Variants in SIPA1L3 observed in about 807,000 individuals in gnomAD.
SIPA1L3 encodes signal induced proliferation associated 1 like 3.
In SIPA1L3, 59 loss-of-function variants were observed where a neutral mutation model predicts 150.1. That is an observed-to-expected ratio of 0.39 (90% CI 0.32 to 0.49). The LOEUF is 0.49. Among genes scored for constraint, SIPA1L3 ranks in the 20% least tolerant of loss-of-function variants. The pLI, the probability that SIPA1L3 is intolerant of heterozygous loss-of-function variation, is 0.86. For missense variants in SIPA1L3, 2,211 were observed against 2,489.5 expected (o/e 0.89, Z 2.38); for synonymous variants, 1,070 against 1,077.6 (o/e 0.99, Z 0.14).
intron 15 of SIPA1L3, among the ~76,000 whole-genome samples, chr19:38,175,519 G>T (rs1056138745): frequency 1.1e-4 from 17 of 152,150 alleles, no homozygotes; most frequent in Admixed American, 6.5e-5. Flanking sequence ...TGTCAAGCAG[G>T]TTAATGCATA....
At chr19:38,125,233 G>A (rs982063741) in intron 9 of SIPA1L3, among the ~76,000 whole-genome samples, 3 of 152,026 alleles carry the variant, frequency 2.0e-5, no homozygotes, top group African/African-American at 7.2e-5. Context: ...ATAGGGTTTC[G>A]CCATGTTGGC....
At chr19:38,165,691 C>A (rs897613325) in intron 15 of SIPA1L3, among the ~76,000 whole-genome samples, 1 of 152,218 alleles carries the variant, frequency 6.6e-6, no homozygotes, top group African/African-American at 2.4e-5. Context: ...TTGTTCAGCC[C>A]AGCTGCTGGC....
chr19:38,026,361 A>G lies in SIPA1L3; in HGVS notation c.-378-2728A>G, dbSNP rs971558542. On this transcript the variant is annotated intron_variant, in intron 1 of 21. Transcript: ENST00000222345. ...GGGCTGGTGTTTACTGGCTCTGATC[A>G]TCCTGGCTTTGGTGGCAGGGTCACC... 1.2e-4 allele frequency among the ~76,000 whole-genome samples: 18 copies of G among 152,224 alleles called. No homozygotes were observed. The South Asian group carries it at 1.5e-3, about 12-fold the overall frequency.
At chr19:38,110,075 A>T in intron 7 of SIPA1L3, 152 bp from the exon 8 acceptor site, 1 of 690,884 alleles carries the variant, frequency 1.4e-6, no homozygotes, top group Non-Finnish European at 2.5e-6. Flanking sequence ...AACCACAGGA[A>T]GGTTTGTCAC....
At chr19:38,036,535 C>G (rs973711341) in intron 2 of SIPA1L3, among the ~76,000 whole-genome samples, 2 of 152,232 alleles carry the variant, frequency 1.3e-5, no homozygotes, top group African/African-American at 4.8e-5. Flanking sequence ...GTGCTTGGCC[C>G]ATTCCCCGCT....
intron 1 of SIPA1L3, among the ~76,000 whole-genome samples, chr19:37,944,596 C>T (rs1273472053): frequency 2.6e-5 from 4 of 152,132 alleles, no homozygotes; most frequent in Non-Finnish European, 4.4e-5. Context: ...TAGTGCCTAG[C>T]ATGTTTGTTA....
At chr19:38,097,599 C>T (rs1244861769) in intron 4 of SIPA1L3, among the ~76,000 whole-genome samples, 3 of 152,164 alleles carry the variant, frequency 2.0e-5, no homozygotes, top group African/African-American at 7.2e-5. Flanking sequence ...TCTTGTTGCC[C>T]AGGCTGGAGT....
chr19:38,057,318 A>G (rs187405521), intron 2 of SIPA1L3, among the ~76,000 whole-genome samples: 1 of 150,894 alleles, frequency 6.6e-6, no homozygotes, highest in Non-Finnish European at 1.5e-5. Flanking sequence ...ATGTGTATAC[A>G]TATATACACA....
intron 1 of SIPA1L3, among the ~76,000 whole-genome samples, chr19:37,926,841 T>C (rs376898079): frequency 1.3e-5 from 2 of 152,108 alleles, no homozygotes; most frequent in African/African-American, 2.4e-5. Context: ...AAGTAGGCAA[T>C]GTATGTAGCG....
At chr19:37,920,509 G>C (rs1282350844) in intron 1 of SIPA1L3, among the ~76,000 whole-genome samples, 1 of 152,150 alleles carries the variant, frequency 6.6e-6, no homozygotes, top group Non-Finnish European at 1.5e-5. Flanking sequence ...AAGATTGTCT[G>C]TGAGTGGAAC....
At chr19:37,982,312 C>A (rs1340156819) in intron 1 of SIPA1L3, among the ~76,000 whole-genome samples, 1 of 152,188 alleles carries the variant, frequency 6.6e-6, no homozygotes, top group Non-Finnish European at 1.5e-5. Context: ...CTCCCAGAGG[C>A]CTTCCTGGTC....
rs373447922 is a variant in SIPA1L3 at position 38,110,341 on chromosome 19, A to G, written c.2248A>G (p.Ile750Val). 3.1e-6 allele frequency: 5 copies of G among 1,613,750 alleles called. No individual in the cohort carries two copies. The highest frequency in any genetic ancestry group is 4.2e-6 in the Non-Finnish European group (5 of 1,179,980). ...IRSHFQHVFI[I>V]VRVHNPCTDN... ...CTCCCACTTCCAGCACGTCTTCATCATTGTCCGAGTCCACAACCCCTGCAC... is the reference window on the plus strand; with the variant it reads ...CTCCCACTTCCAGCACGTCTTCATCGTTGTCCGAGTCCACAACCCCTGCAC... The change falls in exon 8 of 22, where the codon ATT (isoleucine) becomes GTT (valine). Residue 750 changes from isoleucine (I) to valine (V), a missense_variant. Physicochemically the swap from Ile to Val is conservative, Grantham distance 29. This residue lies in a region of SIPA1L3 where 625 missense variants were observed against 804.2 expected (regional missense o/e 0.78). Coordinates refer to ENST00000222345, the MANE Select transcript of SIPA1L3 (RefSeq NM_015073.3).
intron 1 of SIPA1L3, among the ~76,000 whole-genome samples, chr19:37,986,674 A>G (rs1967358877): frequency 6.6e-6 from 1 of 152,120 alleles, no homozygotes; most frequent in Admixed American, 6.6e-5. Context: ...GGCTGCACGA[A>G]CCCTATTAGA....
At chr19:38,073,139 T>G (rs1969759521) in intron 2 of SIPA1L3, among the ~76,000 whole-genome samples, 2 of 152,208 alleles carry the variant, frequency 1.3e-5, no homozygotes, top group Non-Finnish European at 1.5e-5. Flanking sequence ...CTGGGAAAGA[T>G]TCTCCTTCCT....
At chr19:37,918,501 G>A (rs978981086) in intron 1 of SIPA1L3, among the ~76,000 whole-genome samples, 1 of 151,878 alleles carries the variant, frequency 6.6e-6, no homozygotes, top group Non-Finnish European at 1.5e-5. Flanking sequence ...CTTGTGATCC[G>A]CCTGCCTCGG....
chr19:37,977,164 TA>T (rs1024458995), intron 1 of SIPA1L3, among the ~76,000 whole-genome samples: 3 of 151,906 alleles, frequency 2.0e-5, no homozygotes, highest in East Asian at 1.9e-4. Context: ...TTTATTTTAT[TA>T]AAAAAAATTT....
At position 38,141,403 on chromosome 19, in the gene SIPA1L3, C is replaced by A. The variant is rs1207226086; in HGVS notation, c.3363C>A (p.Pro1121=). Reference sequence around the variant, plus strand: ...CCCTGAAGCAGACCCCCATAGTCCCCTTCCGGGAGTCCCAGCCACTGCACA... The same window carrying A: ...CCCTGAAGCAGACCCCCATAGTCCCATTCCGGGAGTCCCAGCCACTGCACA... ...SRPLKQTPIV[P]FRESQPLHSK... The change falls in exon 11 of 22, where the codon CCC becomes CCA. Residue 1121 remains proline, a synonymous_variant. Coordinates refer to ENST00000222345, the MANE Select transcript of SIPA1L3 (RefSeq NM_015073.3). 1 of 1,612,256 alleles carries A rather than the reference C, an allele frequency of 6.2e-7. No individual in the cohort carries two copies.
chr19:38,065,343 A>T (rs1479505897), intron 2 of SIPA1L3, among the ~76,000 whole-genome samples: 1 of 149,640 alleles, frequency 6.7e-6, no homozygotes, highest in East Asian at 2.0e-4. Flanking sequence ...CCCCATTCTG[A>T]CTTCTAGAAG....
intron 1 of SIPA1L3, among the ~76,000 whole-genome samples, chr19:38,009,473 C>A (rs958715627): frequency 6.6e-5 from 10 of 152,070 alleles, no homozygotes; most frequent in Admixed American, 3.3e-4. Context: ...CATGAGGAGT[C>A]GAGGATGTTG....
Sources: gnomAD v4.1 joint callset for allele counts (sites outside exome capture counted in the v4.1 genomes callset) on GRCh38, gnomAD v4.1.1 for gene constraint, gnomAD v4.1.1 regional missense constraint, MANE v1.5 for transcripts, NCBI Gene and HGNC (gene_info 2026-07-23, HGNC 2026-07-21) for gene names.